The following MXRA7 variants were observed in gnomAD, a reference collection of about 807,000 sequenced individuals.
MXRA7 encodes matrix-remodeling-associated protein 7.
In MXRA7, 18 loss-of-function variants were observed where a neutral mutation model predicts 17.4. That is an observed-to-expected ratio of 1.03 (90% CI 0.71 to 1.53). The LOEUF is 1.53. MXRA7 is among the 40% of genes most tolerant of loss of function. The probability of loss-of-function intolerance (pLI) is 0.00; values close to 1 mark genes in which losing one functional copy is unlikely to be tolerated. For synonymous variants in MXRA7, 70 were observed against 101.7 expected (o/e 0.69, Z 1.87); for missense variants, 141 against 209.3 (o/e 0.67, Z 2.01).
intron 1 of MXRA7, among the ~76,000 whole-genome samples, chr17:76,709,215 G>A (rs745928230): frequency 9.2e-5 from 14 of 152,202 alleles, no homozygotes; most frequent in Non-Finnish European, 1.6e-4. Flanking sequence ...GAGTGTGCAT[G>A]ACGGCTCCAG....
At chr17:76,710,540 G>T in intron 1 of MXRA7, 65 bp downstream of exon 1, 1 of 1,204,758 alleles carries the variant, frequency 8.3e-7, no homozygotes, top group Admixed American at 4.5e-5. Context: ...TGGCTCGGCG[G>T]GGAACGGCAG....
At chr17:76,706,218 A>AGGCCCACGCTGCCATCACAG (rs1567990785) in intron 1 of MXRA7, among the ~76,000 whole-genome samples, 610 of 35,090 alleles carry the variant, frequency 0.017, 65 homozygotes, top group Middle Eastern at 0.033. Flanking sequence ...TGCCATCACA[A>AGGCCCACGCTGCCATCACAG]AGGCCCACTC....
chr17:76,707,986 C>CT (rs2076680636), intron 1 of MXRA7, among the ~76,000 whole-genome samples: 3 of 152,234 alleles, frequency 2.0e-5, no homozygotes, highest in Non-Finnish European at 2.9e-5. Flanking sequence ...TCCGCTTCTC[C>CT]TCAGCCTCCC....
At chr17:76,694,659 C>A (rs2076513743) in intron 1 of MXRA7, among the ~76,000 whole-genome samples, 1 of 152,170 alleles carries the variant, frequency 6.6e-6, no homozygotes, top group Admixed American at 6.5e-5. Flanking sequence ...GATCTCGGCT[C>A]ACTGCATCCT....
intron 1 of MXRA7, among the ~76,000 whole-genome samples, chr17:76,708,520 G>A (rs1227190273): frequency 1.3e-5 from 2 of 152,216 alleles, no homozygotes; most frequent in African/African-American, 4.8e-5. Flanking sequence ...CCAAGCCCCA[G>A]CAGTGTGATC....
intron 1 of MXRA7, 91 bp from the exon 2 acceptor site, chr17:76,688,267 C>A (rs746525145): frequency 1.2e-5 from 19 of 1,566,742 alleles, no homozygotes; most frequent in Non-Finnish European, 1.5e-5. Context: ...CAGAGGAGGC[C>A]CTCGAAGGTC....
intron 1 of MXRA7, among the ~76,000 whole-genome samples, chr17:76,694,821 A>G (rs2076515899): frequency 6.6e-6 from 1 of 152,124 alleles, no homozygotes; most frequent in South Asian, 2.1e-4. Context: ...CCTGGGCCCA[A>G]GGGATCTGCC....
intron 2 of MXRA7, 114 bp downstream of exon 2, chr17:76,687,999 T>TGCCC: frequency 1.2e-6 from 1 of 801,730 alleles, no homozygotes; most frequent in Non-Finnish European, 2.0e-6. Context: ...CAGGCCACTG[T>TGCCC]CCCACCCCAT....
intron 1 of MXRA7, among the ~76,000 whole-genome samples, chr17:76,707,998 G>A (rs961198005): frequency 6.6e-6 from 1 of 152,212 alleles, no homozygotes. Context: ...CAGCCTCCCT[G>A]CCCTGGCCTG....
At chr17:76,707,900 GC>G (rs1191749425) in intron 1 of MXRA7, among the ~76,000 whole-genome samples, 1 of 152,186 alleles carries the variant, frequency 6.6e-6, no homozygotes, top group Non-Finnish European at 1.5e-5. Flanking sequence ...GCGTGAACAG[GC>G]CTTGCCTATA....
intron 1 of MXRA7, among the ~76,000 whole-genome samples, chr17:76,699,999 A>G (rs991811785): frequency 1.2e-4 from 19 of 152,052 alleles, no homozygotes; most frequent in African/African-American, 4.6e-4. Flanking sequence ...TCACTCTGTC[A>G]CCCAGGTTGG....
At chr17:76,679,287 C>CAAAA (rs71158050), downstream of MXRA7, among the ~76,000 whole-genome samples, 3 of 121,664 alleles carry the variant, frequency 2.5e-5, no homozygotes, top group Admixed American at 8.2e-5. Context: ...GGCCCTGTCT[C>CAAAA]AAAAAAAAAA....
chr17:76,679,414 A>T (rs1442431612), downstream of MXRA7, among the ~76,000 whole-genome samples: 1 of 152,190 alleles, frequency 6.6e-6, no homozygotes, highest in East Asian at 1.9e-4. Context: ...TGGTTTTGAC[A>T]GCCATGGTGA....
At chr17:76,694,820 A>T (rs902039906) in intron 1 of MXRA7, among the ~76,000 whole-genome samples, 1 of 152,120 alleles carries the variant, frequency 6.6e-6, no homozygotes, top group Non-Finnish European at 1.5e-5. Flanking sequence ...TCCTGGGCCC[A>T]AGGGATCTGC....
intron 1 of MXRA7, among the ~76,000 whole-genome samples, chr17:76,707,915 C>T (rs2076679952): frequency 6.6e-6 from 1 of 152,224 alleles, no homozygotes; most frequent in Non-Finnish European, 1.5e-5. Context: ...GCCTATAATG[C>T]TTCCTCACAG....
At chr17:76,692,146 T>G (rs956046377) in intron 1 of MXRA7, among the ~76,000 whole-genome samples, 1 of 151,706 alleles carries the variant, frequency 6.6e-6, no homozygotes, top group Non-Finnish European at 1.5e-5. Flanking sequence ...GCCCAAGAGG[T>G]TGAGGCTGTA....
chr17:76,691,765 AAACAGTCACTGACC>A (rs1401921741), intron 1 of MXRA7, among the ~76,000 whole-genome samples: 1 of 152,210 alleles, frequency 6.6e-6, no homozygotes, highest in East Asian at 1.9e-4. Flanking sequence ...AATGACAGGC[AAACAGTCACTGACC>A]TATTCAGGGC....
intron 2 of MXRA7, among the ~76,000 whole-genome samples, chr17:76,687,848 A>C (rs1243168644): frequency 6.6e-6 from 1 of 152,258 alleles, no homozygotes; most frequent in Non-Finnish European, 1.5e-5. Flanking sequence ...GGACAGAGCC[A>C]GGCAGGGCGT....
intron 3 of MXRA7, among the ~76,000 whole-genome samples, chr17:76,682,992 A>G (rs1230247416): frequency 6.6e-6 from 1 of 152,032 alleles, no homozygotes; most frequent in Admixed American, 6.5e-5. Flanking sequence ...AAATAAGGGG[A>G]AGGGATTTTC....
Sources: gnomAD v4.1 joint callset for allele counts (sites outside exome capture counted in the v4.1 genomes callset) on GRCh38, gnomAD v4.1.1 for gene constraint, MANE v1.5 for transcripts, NCBI Gene and HGNC (gene_info 2026-07-23, HGNC 2026-07-21) for gene names.